The following SPATS2L variants were observed in gnomAD, a reference collection of about 807,000 sequenced individuals.
SPATS2L encodes spermatogenesis associated serine rich 2 like.
Under a neutral mutation model 59.6 loss-of-function variants are expected in SPATS2L, and 30 were observed. The observed-to-expected ratio is 0.50, with a 90% confidence interval of 0.38 to 0.68. SPATS2L has a LOEUF of 0.68. Among genes scored for constraint, SPATS2L ranks in the 30% least tolerant of loss-of-function variants. The pLI, the probability that SPATS2L is intolerant of heterozygous loss-of-function variation, is 0.00. For synonymous variants in SPATS2L, 252 were observed against 263.5 expected (o/e 0.96, Z 0.42); for missense variants, 615 against 700.0 (o/e 0.88, Z 1.37).
chr2:200,392,971 A>G (rs1053589122), intron 3 of SPATS2L: 1 of 331,962 alleles, frequency 3.0e-6, no homozygotes, highest in South Asian at 2.5e-5. Flanking sequence ...GTTTTTTCCT[A>G]TATCTTTACA....
In SPATS2L at chr2:200,375,573, G is replaced by A. The variant is rs552030646; in HGVS notation, c.-22-13650G>A. ...TGGAGGTATGCTGGGAGGAAGAGCA[G>A]AGTGGATTGGAAGGTGTGTGAAATG... On this transcript the variant is annotated intron_variant, in intron 2 of 12. Coordinates refer to ENST00000409140, the MANE Select transcript of SPATS2L (RefSeq NM_001100423.2). Among the ~76,000 whole-genome samples the A allele has an allele frequency of 5.3e-5, 8 of 152,314 alleles. No homozygotes were observed. In the South Asian group the frequency reaches 1.7e-3, roughly 32 times the overall value.
chr2:200,381,048 A>G (rs752980676), intron 2 of SPATS2L, among the ~76,000 whole-genome samples: 39 of 152,242 alleles, frequency 2.6e-4, no homozygotes, highest in Admixed American at 5.9e-4. Context: ...GTAGCAAAGG[A>G]TGGAGGGAAA....
At chr2:200,377,020 G>A (rs1314448160) in intron 2 of SPATS2L, among the ~76,000 whole-genome samples, 2 of 152,164 alleles carry the variant, frequency 1.3e-5, no homozygotes, top group African/African-American at 4.8e-5. Context: ...GAGGACAGTG[G>A]GAAAGCTACC....
chr2:200,400,550 T>G (rs1055850216), intron 3 of SPATS2L, among the ~76,000 whole-genome samples: 1 of 152,202 alleles, frequency 6.6e-6, no homozygotes, highest in African/African-American at 2.4e-5. Context: ...ATCAAAATTC[T>G]GATATAAAAA....
At chr2:200,423,921 T>C (rs73986871) in intron 6 of SPATS2L, among the ~76,000 whole-genome samples, 9,005 of 152,262 alleles carry the variant, frequency 0.059, 861 homozygotes, top group African/African-American at 0.2. Context: ...TTAAGATATA[T>C]GCAGGTGGCT....
At chr2:200,345,099 CT>C (rs971774778) in intron 2 of SPATS2L, among the ~76,000 whole-genome samples, 3 of 152,120 alleles carry the variant, frequency 2.0e-5, no homozygotes, top group African/African-American at 7.2e-5. Flanking sequence ...TCAGTTTTTG[CT>C]TTTGTTGTGA....
At chr2:200,325,996 G>A (rs2079725683) in intron 1 of SPATS2L, among the ~76,000 whole-genome samples, 1 of 152,186 alleles carries the variant, frequency 6.6e-6, no homozygotes, top group African/African-American at 2.4e-5. Flanking sequence ...GCAAAATGAT[G>A]CTCAAGGCAC....
chr2:200,426,192 G>A (rs2083570612), intron 6 of SPATS2L, among the ~76,000 whole-genome samples: 1 of 145,234 alleles, frequency 6.9e-6, no homozygotes, highest in African/African-American at 2.6e-5. Context: ...CTGGGTTCAA[G>A]CGATTCTCCT....
At chr2:200,476,893 G>A (rs113056096) in intron 12 of SPATS2L, among the ~76,000 whole-genome samples, 3,391 of 152,326 alleles carry the variant, frequency 0.022, 122 homozygotes, top group African/African-American at 0.078. Flanking sequence ...TATTGCCATT[G>A]AAAGTGGCTC....
chr2:200,362,208 A>G (rs1462301397), intron 2 of SPATS2L, among the ~76,000 whole-genome samples: 1 of 152,258 alleles, frequency 6.6e-6, no homozygotes, highest in East Asian at 1.9e-4. Context: ...TGATGGAGCC[A>G]CTGCACTGTA....
At chr2:200,408,789 A>G (rs143473275) in intron 3 of SPATS2L, among the ~76,000 whole-genome samples, 510 of 152,392 alleles carry the variant, frequency 3.3e-3, no homozygotes, top group African/African-American at 0.012. Flanking sequence ...GCCATGGGGC[A>G]GAGCCTGCGG....
intron 2 of SPATS2L, among the ~76,000 whole-genome samples, chr2:200,384,967 T>C (rs1287149339): frequency 6.6e-6 from 1 of 152,358 alleles, no homozygotes; most frequent in African/African-American, 2.4e-5. Flanking sequence ...GTATGGAACA[T>C]GTATTCGTGG....
chr2:200,391,014 T>C (rs1182312812), intron 3 of SPATS2L: 1 of 151,740 alleles, frequency 6.6e-6, no homozygotes, highest in African/African-American at 2.4e-5. Flanking sequence ...TACAAAATTA[T>C]CTAGGTATGG....
rs561508537 is a variant in SPATS2L, at chr2:200,476,249, A to G, written c.1282-1387A>G. Reference sequence around the variant, plus strand: ...AAATTTTCTTTGCTTATAACTGCAGAAAGTTTAGAAAAACAATGAATTACC... The same window carrying G: ...AAATTTTCTTTGCTTATAACTGCAGGAAGTTTAGAAAAACAATGAATTACC... On this transcript the variant is annotated intron_variant, in intron 12 of 12. Coordinates refer to ENST00000409140, the MANE Select transcript of SPATS2L (RefSeq NM_001100423.2). Among the ~76,000 whole-genome samples the G allele has an allele frequency of 2.6e-5, 4 of 152,356 alleles. No homozygotes were observed. In the East Asian group the frequency reaches 7.7e-4, roughly 29 times the overall value.
At chr2:200,356,828 G>A (rs1337113990) in intron 2 of SPATS2L, among the ~76,000 whole-genome samples, 1 of 152,122 alleles carries the variant, frequency 6.6e-6, no homozygotes, top group African/African-American at 2.4e-5. Flanking sequence ...GTGAAGGGAG[G>A]GCCTTTGTGC....
At chr2:200,471,222 C>A (rs2087008411) in intron 11 of SPATS2L, among the ~76,000 whole-genome samples, 1 of 152,126 alleles carries the variant, frequency 6.6e-6, no homozygotes. Context: ...TCCACACATC[C>A]TTGCCAATTA....
intron 8 of SPATS2L, among the ~76,000 whole-genome samples, chr2:200,452,475 A>C (rs866600064): frequency 1.3e-5 from 2 of 152,238 alleles, no homozygotes; most frequent in Non-Finnish European, 2.9e-5. Context: ...TGTGTGTCTC[A>C]TCCCAGAAAT....
intron 2 of SPATS2L, among the ~76,000 whole-genome samples, chr2:200,379,122 C>T (rs1482528445): frequency 2.6e-5 from 4 of 152,146 alleles, no homozygotes; most frequent in African/African-American, 4.8e-5. Context: ...CCTTGCCTGG[C>T]GTTCTCCTTT....
At chr2:200,340,584 C>T (rs2080291265) in intron 2 of SPATS2L, among the ~76,000 whole-genome samples, 1 of 152,028 alleles carries the variant, frequency 6.6e-6, no homozygotes, top group Non-Finnish European at 1.5e-5. Context: ...GGGGGTGCAG[C>T]AGGAGGTGGG....
Sources: allele counts gnomAD v4.1 joint callset (sites outside exome capture counted in the v4.1 genomes callset), GRCh38; gene constraint gnomAD v4.1.1; transcripts MANE v1.5; gene names NCBI Gene and HGNC (gene_info 2026-07-23, HGNC 2026-07-21).